Variants in TCF7L1 observed in about 807,000 individuals in gnomAD.
The protein encoded by TCF7L1 is transcription factor 7 like 1, also known as transcription factor 7-like 1.
In TCF7L1, 18 loss-of-function variants were observed where a neutral mutation model predicts 63.7. That is an observed-to-expected ratio of 0.28 (90% CI 0.20 to 0.42). TCF7L1 has a LOEUF of 0.42. Ranked by LOEUF, TCF7L1 falls within the 10% of genes least tolerant of loss-of-function variation. The pLI, the probability that TCF7L1 is intolerant of heterozygous loss-of-function variation, is 1.00. For missense variants in TCF7L1, 654 were observed against 779.3 expected, an observed-to-expected ratio of 0.84 and a Z score of 1.91; for synonymous variants, 355 against 340.9, an observed-to-expected ratio of 1.04 and a Z score of -0.46.
Position 85,134,273 on chromosome 2 carries a change from CTG to C in TCF7L1, c.314-48_314-47del. 6.6e-7 allele frequency: 1 copy of C among 1,520,420 alleles called. No homozygotes were observed. The highest frequency in any genetic ancestry group is 8.8e-7 in the Non-Finnish European group (1 of 1,132,162). 94.2% of individuals were successfully genotyped at this position (1,520,420 alleles called of 1,614,324 possible). On this transcript the variant is annotated intron_variant, in intron 2 of 11. Coordinates refer to ENST00000282111, the MANE Select transcript of TCF7L1 (RefSeq NM_031283.3). This position sits in a 1 kb window ranked among gnomAD's most constrained non-coding sequence, Gnocchi z 5.0. ...CCGCCTCGAGCCCCCTGCCGCGGCG[CTG>C]TCAGTCCCGGGGGCCTGGGCCTCAC...
At chr2:85,308,361 C>T (rs891106466) in intron 11 of TCF7L1, among the ~76,000 whole-genome samples, 101 of 92,066 alleles carry the variant, frequency 1.1e-3, no homozygotes, top group Middle Eastern at 6.0e-3. Flanking sequence ...CCCTCCCTCC[C>T]TTTCTTCCTC....
intron 4 of TCF7L1, among the ~76,000 whole-genome samples, chr2:85,299,860 AACACACACACACACAC>A (rs61569778): frequency 0.027 from 2,469 of 92,764 alleles, 93 homozygotes; most frequent in African/African-American, 0.1. Flanking sequence ...CCTTGTCTCA[AACACACACACACACAC>A]ACACACACAC....
chr2:85,268,317 G>C (rs1681057561), intron 3 of TCF7L1, among the ~76,000 whole-genome samples: 1 of 152,090 alleles, frequency 6.6e-6, no homozygotes. Context: ...ATTTCCACTA[G>C]AGCTGCCTGG....
At chr2:85,227,152 C>T (rs376321350) in intron 3 of TCF7L1, among the ~76,000 whole-genome samples, 7 of 152,334 alleles carry the variant, frequency 4.6e-5, no homozygotes, top group Admixed American at 1.3e-4. Flanking sequence ...GTTTTTCCGG[C>T]ATCTACCTTG....
chr2:85,241,664 C>T (rs1299040759), intron 3 of TCF7L1, among the ~76,000 whole-genome samples: 2 of 151,870 alleles, frequency 1.3e-5, no homozygotes, highest in South Asian at 2.1e-4. Flanking sequence ...AGGTTGGTCT[C>T]GAACTCCTGA....
intron 11 of TCF7L1, among the ~76,000 whole-genome samples, chr2:85,308,424 C>CTTTT (rs1558663448): frequency 1.5e-5 from 2 of 136,008 alleles, no homozygotes; most frequent in African/African-American, 5.7e-5. Flanking sequence ...CCCTTCCCTC[C>CTTTT]CTCCTTTTCT....
chr2:85,174,536 A>T (rs932909261), intron 3 of TCF7L1, among the ~76,000 whole-genome samples: 1 of 152,066 alleles, frequency 6.6e-6, no homozygotes, highest in African/African-American at 2.4e-5. Context: ...CATGCATCTC[A>T]TTTAACTGGT....
At chr2:85,275,645 C>T (rs920674769) in intron 3 of TCF7L1, among the ~76,000 whole-genome samples, 4 of 152,040 alleles carry the variant, frequency 2.6e-5, no homozygotes, top group Non-Finnish European at 5.9e-5. Context: ...AGGCCAGGTG[C>T]GGTGGCTCAC....
rs13001442 is a variant in TCF7L1, at chr2:85,302,858, A to G, written c.658+242A>G. On this transcript the variant is annotated intron_variant, in intron 5 of 11. Coordinates refer to ENST00000282111, the MANE Select transcript of TCF7L1 (RefSeq NM_031283.3). Reference sequence around the variant, plus strand: ...ACAGGAATTAAATGCAGTAAAGCACAGGGCCTGGCTCCATAGGCAGTGTGT... The same window carrying G: ...ACAGGAATTAAATGCAGTAAAGCACGGGGCCTGGCTCCATAGGCAGTGTGT... Among the ~76,000 whole-genome samples, 76,955 of 151,942 alleles carry G rather than the reference A, an allele frequency of 0.51. 20,239 individuals are homozygous for G. The highest frequency in any genetic ancestry group is 0.9 in the East Asian group (4,677 of 5,176).
intron 3 of TCF7L1, among the ~76,000 whole-genome samples, chr2:85,231,830 T>C (rs557143628): frequency 6.6e-6 from 1 of 152,286 alleles, no homozygotes; most frequent in African/African-American, 2.4e-5. Flanking sequence ...TCTAGCGTAG[T>C]GTAGGGATTG....
chr2:85,253,935 C>A (rs1680647769), intron 3 of TCF7L1, among the ~76,000 whole-genome samples: 1 of 152,220 alleles, frequency 6.6e-6, no homozygotes, highest in African/African-American at 2.4e-5. Flanking sequence ...TCATGTGTGA[C>A]CTTGCAGTGG....
Position 85,309,572 on chromosome 2 carries a change from C to G in TCF7L1, c.*110C>G. On this transcript the variant is annotated 3_prime_UTR_variant, in exon 12 of 12. Transcript: ENST00000282111. ...CAATATTTGACCACTCTGGACTGTT[C>G]TGTAAAGTGGCTGGTAACAACAGCA... The G allele has an allele frequency of 8.7e-7, 1 of 1,147,196 alleles. No homozygotes were observed. The highest frequency in any genetic ancestry group is 1.2e-6 in the Non-Finnish European group (1 of 849,662). 71.1% of individuals were successfully genotyped at this position (1,147,196 alleles called of 1,614,324 possible).
intron 3 of TCF7L1, among the ~76,000 whole-genome samples, chr2:85,245,156 C>T (rs1205533470): frequency 6.6e-6 from 1 of 152,144 alleles, no homozygotes; most frequent in Non-Finnish European, 1.5e-5. Context: ...ATCCCAGGCA[C>T]GTCTGGCCCC....
At chr2:85,232,531 T>C (rs577151830) in intron 3 of TCF7L1, among the ~76,000 whole-genome samples, 2 of 152,318 alleles carry the variant, frequency 1.3e-5, no homozygotes, top group East Asian at 3.9e-4. Context: ...AAGACCTCTG[T>C]GAGGTCTTGT....
chr2:85,306,675 T>G lies in TCF7L1; in HGVS notation c.1257+116T>G. The G allele has an allele frequency of 1.1e-6, 1 of 901,624 alleles. No individual in the cohort carries two copies. Among genetic ancestry groups the G allele is most frequent in the Non-Finnish European group, 1.6e-6 (1 of 609,026 alleles). 55.9% of individuals were successfully genotyped at this position (901,624 alleles called of 1,614,324 possible). A position where few individuals can be genotyped will look rare whatever the true frequency, so the allele number is the denominator to read the frequency against. ...TTTATTTATTTTATTTTCTTTTATTTTTTGAGACAGAGGCTCACCCTGTCA... is the reference window on the plus strand; with the variant it reads ...TTTATTTATTTTATTTTCTTTTATTGTTTGAGACAGAGGCTCACCCTGTCA... On this transcript the variant is annotated intron_variant, in intron 10 of 11. Transcript: ENST00000282111. The surrounding 1 kb of genome is among the most constrained non-coding windows in gnomAD (Gnocchi z 4.3).
At chr2:85,205,688 T>C (rs1679391804) in intron 3 of TCF7L1, among the ~76,000 whole-genome samples, 1 of 152,160 alleles carries the variant, frequency 6.6e-6, no homozygotes, top group South Asian at 2.1e-4. Context: ...TGCTAATTTT[T>C]GTATTTTTTT....
At chr2:85,210,661 G>C (rs1010280128) in intron 3 of TCF7L1, among the ~76,000 whole-genome samples, 1 of 152,194 alleles carries the variant, frequency 6.6e-6, no homozygotes, top group Non-Finnish European at 1.5e-5. Flanking sequence ...CTTTGTCCTT[G>C]TCTGTTAGGG....
At chr2:85,194,162 G>T (rs1679100482) in intron 3 of TCF7L1, among the ~76,000 whole-genome samples, 1 of 152,032 alleles carries the variant, frequency 6.6e-6, no homozygotes, top group Non-Finnish European at 1.5e-5. Context: ...CCCAAACAGA[G>T]CACCTTCCCA....
intron 3 of TCF7L1, among the ~76,000 whole-genome samples, chr2:85,156,448 C>T (rs1035655123): frequency 5.9e-5 from 9 of 152,212 alleles, no homozygotes; most frequent in African/African-American, 2.2e-4. Flanking sequence ...CCCCTGTGTT[C>T]GTCTCCCCCA....
Sources: allele counts gnomAD v4.1 joint callset (sites outside exome capture counted in the v4.1 genomes callset), GRCh38; gene constraint gnomAD v4.1.1; non-coding constraint Gnocchi (gnomAD v3.1); transcripts MANE v1.5; gene names NCBI Gene and HGNC (gene_info 2026-07-23, HGNC 2026-07-21).